Variants in PEX13 observed in about 807,000 individuals in gnomAD.
PEX13 encodes peroxisomal biogenesis factor 13.
A neutral mutation model predicts 34.5 loss-of-function variants in PEX13; 28 were observed. That is an observed-to-expected ratio of 0.81 (90% CI 0.60 to 1.11). The LOEUF (loss-of-function observed/expected upper bound fraction) is 1.11. Ranked by LOEUF, PEX13 falls within the 50% of genes most tolerant of loss-of-function variation. The pLI, the probability that PEX13 is intolerant of heterozygous loss-of-function variation, is 0.00. For missense variants in PEX13, 550 were observed against 491.0 expected (o/e 1.12, Z -1.13); for synonymous variants, 177 against 175.1 (o/e 1.01, Z -0.09).
intron 2 of PEX13, among the ~76,000 whole-genome samples, chr2:61,038,559 T>A (rs1387800531): frequency 6.6e-6 from 1 of 152,222 alleles, no homozygotes; most frequent in Non-Finnish European, 1.5e-5. Context: ...TCATCAGTCC[T>A]TCATGCTAAA....
chr2:61,020,619 C>G (rs1045844774), intron 1 of PEX13, among the ~76,000 whole-genome samples: 1 of 152,120 alleles, frequency 6.6e-6, no homozygotes, highest in African/African-American at 2.4e-5. Flanking sequence ...TTCTCTCTCT[C>G]TACCTTGCTC....
At chr2:61,024,715 C>G (rs975695972) in intron 1 of PEX13, among the ~76,000 whole-genome samples, 1 of 151,940 alleles carries the variant, frequency 6.6e-6, no homozygotes, top group Non-Finnish European at 1.5e-5. Flanking sequence ...AGGCTGAGGC[C>G]GGAGAATGGT....
At chr2:61,034,530 G>T (rs966784983) in intron 2 of PEX13, among the ~76,000 whole-genome samples, 4 of 152,166 alleles carry the variant, frequency 2.6e-5, no homozygotes, top group Non-Finnish European at 4.4e-5. Flanking sequence ...AGCACAAGGG[G>T]TCAGGGGATT....
chr2:61,035,985 A>C (rs903330998), intron 2 of PEX13, among the ~76,000 whole-genome samples: 1 of 143,772 alleles, frequency 7.0e-6, no homozygotes, highest in Non-Finnish European at 1.5e-5. Flanking sequence ...CTCCATCTTA[A>C]AAAAAAAAAA....
chr2:61,042,231 G>C (rs1041080360), intron 2 of PEX13, among the ~76,000 whole-genome samples: 4 of 152,160 alleles, frequency 2.6e-5, no homozygotes, highest in African/African-American at 7.2e-5. Flanking sequence ...TATTGTTATG[G>C]CTGCTTTTCC....
chr2:61,031,471 AC>A lies in PEX13; in HGVS notation c.147del (p.Arg50GlufsTer19), dbSNP rs1419895120. 6.2e-7 allele frequency: 1 copy of A among 1,614,182 alleles called. No homozygotes were observed. The highest frequency in any genetic ancestry group is 2.2e-5 in the East Asian group (1 of 44,890). Reference protein sequence around the residue: ...LMTRPGQPALTRVPPPILPRP... With the variant: ...LMTRPGQPALXRVPPPILPRP... ...GACAAGACCTGGACAACCAGCACTT[AC>A]CAGAGTGCCCCCACCTATTCTTCCA... On this transcript the variant is annotated frameshift_variant, in exon 2 of 4. Transcript: ENST00000295030. LOFTEE classifies it high-confidence loss of function.
At chr2:61,031,035 A>G (rs1680440487) in intron 1 of PEX13, among the ~76,000 whole-genome samples, 1 of 152,218 alleles carries the variant, frequency 6.6e-6, no homozygotes, top group African/African-American at 2.4e-5. Context: ...CACACCTGTA[A>G]TCCCAGCACT....
chr2:61,040,264 C>A (rs1680600185), intron 2 of PEX13, among the ~76,000 whole-genome samples: 1 of 152,124 alleles, frequency 6.6e-6, no homozygotes, highest in African/African-American at 2.4e-5. Flanking sequence ...ATAAATCGTG[C>A]TACTATAAAG....
At position 61,043,404 on chromosome 2, in the gene PEX13, A is replaced by G. The variant is rs577006736; in HGVS notation, c.788-2322A>G. Among the ~76,000 whole-genome samples the G allele has an allele frequency of 2.6e-5, 4 of 152,236 alleles. No homozygotes were observed. In the East Asian group the frequency reaches 5.8e-4, roughly 22 times the overall value. ...GCTTAGTTGTTTATTTGAGAAATCAATGGTGAATTGGAAATGACTGAAGAA... is the reference window on the plus strand; with the variant it reads ...GCTTAGTTGTTTATTTGAGAAATCAGTGGTGAATTGGAAATGACTGAAGAA... On this transcript the variant is annotated intron_variant, in intron 2 of 3. Transcript: ENST00000295030.
chr2:61,045,721 T>C lies in PEX13; in HGVS notation c.788-5T>C, dbSNP rs561624639. Reference sequence around the variant, plus strand: ...TTATTAACCTAATTTTAATTTGGCTTATAGACAGCATCAACTGGGCAAGTG... The same window carrying C: ...TTATTAACCTAATTTTAATTTGGCTCATAGACAGCATCAACTGGGCAAGTG... On this transcript the variant is annotated splice_region_variant and splice_polypyrimidine_tract_variant and intron_variant, in intron 2 of 3. Coordinates refer to ENST00000295030, the MANE Select transcript of PEX13 (RefSeq NM_002618.4). 6.2e-7 allele frequency: 1 copy of C among 1,612,734 alleles called. No homozygotes were observed. The highest frequency in any genetic ancestry group is 1.7e-5 in the Admixed American group (1 of 60,026).
intron 1 of PEX13, among the ~76,000 whole-genome samples, chr2:61,019,402 C>A (rs1302043069): frequency 1.3e-5 from 2 of 151,730 alleles, no homozygotes; most frequent in East Asian, 3.8e-4. Flanking sequence ...TATTTATGTT[C>A]AATTTTTTGT....
intron 2 of PEX13, among the ~76,000 whole-genome samples, chr2:61,042,503 T>TA (rs932747251): frequency 2.6e-5 from 4 of 151,960 alleles, no homozygotes; most frequent in Middle Eastern, 3.4e-3. Flanking sequence ...AATTAGATAG[T>TA]AAAAAAAACT....
At chr2:61,034,569 G>A (rs1175350901) in intron 2 of PEX13, among the ~76,000 whole-genome samples, 2 of 152,198 alleles carry the variant, frequency 1.3e-5, no homozygotes, top group African/African-American at 4.8e-5. Flanking sequence ...GAAGCCATGA[G>A]TGACTGTACC....
chr2:61,031,681 G>A lies in PEX13; in HGVS notation c.355G>A (p.Val119Ile), dbSNP rs147707348. 2.0e-3 allele frequency: 3,177 copies of A among 1,613,956 alleles called. 5 individuals carry two copies. The highest frequency in any genetic ancestry group is 2.3e-3 in the Non-Finnish European group (2,672 of 1,179,960). ...RVDDLPPSRF[V>I]QQAEESSRGA... Reference sequence around the variant, plus strand: ...AGATGATCTTCCACCCAGTAGATTTGTTCAGCAAGCTGAAGAAAGCAGCAG... The same window carrying A: ...AGATGATCTTCCACCCAGTAGATTTATTCAGCAAGCTGAAGAAAGCAGCAG... Residue 119 changes from valine to isoleucine, a missense_variant, in exon 2 of 4, where the codon GTT becomes ATT. Coordinates refer to ENST00000295030, the MANE Select transcript of PEX13 (RefSeq NM_002618.4).
Position 61,031,672 on chromosome 2 carries a change from A to C in PEX13, c.346A>C (p.Ser116Arg). ...CCTCCGTGTAGATGATCTTCCACCC[A>C]GTAGATTTGTTCAGCAAGCTGAAGA... ...NRLRVDDLPPSRFVQQAEESS... is the reference protein window; with the variant it reads ...NRLRVDDLPPRRFVQQAEESS... The change falls in exon 2 of 4, where the codon AGT becomes CGT. Residue 116 changes from serine to arginine, a missense_variant. By Grantham distance (110) the Ser-to-Arg change is moderately radical. Transcript: ENST00000295030. The C allele has an allele frequency of 6.2e-7, 1 of 1,613,830 alleles. No homozygotes were observed. The highest frequency in any genetic ancestry group is 2.2e-5 in the East Asian group (1 of 44,860).
intron 2 of PEX13, among the ~76,000 whole-genome samples, chr2:61,040,992 C>T (rs1298446141): frequency 6.6e-6 from 1 of 151,806 alleles, no homozygotes; most frequent in African/African-American, 2.4e-5. Context: ...GTGATGGTGG[C>T]TTGGCTCAGC....
intron 2 of PEX13, among the ~76,000 whole-genome samples, chr2:61,036,940 C>T (rs922793159): frequency 6.6e-6 from 1 of 151,732 alleles, no homozygotes; most frequent in African/African-American, 2.4e-5. Context: ...GGAAGATCTA[C>T]CAAGCAAATG....
intron 1 of PEX13, among the ~76,000 whole-genome samples, chr2:61,021,700 C>A (rs1010462246): frequency 6.6e-6 from 1 of 152,194 alleles, no homozygotes; most frequent in African/African-American, 2.4e-5. Context: ...GCTCTGAGAA[C>A]GGACAGACGG....
intron 3 of PEX13, among the ~76,000 whole-genome samples, chr2:61,046,219 C>T (rs1275837180): frequency 6.6e-6 from 1 of 152,154 alleles, no homozygotes; most frequent in Non-Finnish European, 1.5e-5. Context: ...GCTGTTAGTC[C>T]TTGTGGACTG....
Sources: gnomAD v4.1 joint callset for allele counts (sites outside exome capture counted in the v4.1 genomes callset) on GRCh38, gnomAD v4.1.1 for gene constraint, MANE v1.5 for transcripts, NCBI Gene and HGNC (gene_info 2026-07-23, HGNC 2026-07-21) for gene names.